Variants in SASH1 observed in about 807,000 individuals in gnomAD.
SASH1 encodes the protein SAM and SH3 domain containing 1, also known as SAM and SH3 domain-containing protein 1.
Under a neutral mutation model 125.2 loss-of-function variants are expected in SASH1, and 44 were observed. The ratio of observed to expected loss-of-function variants is 0.35; its 90% CI spans 0.28 to 0.45. The LOEUF (loss-of-function observed/expected upper bound fraction) is 0.45. SASH1 is among the 20% of genes least tolerant of loss of function. The pLI is 1.00. For synonymous variants in SASH1, 639 were observed against 649.1 expected (o/e 0.98, Z 0.24); for missense variants, 1,426 against 1,614.5 (o/e 0.88, Z 2.00).
At chr6:148,386,809 C>A (rs565510769) in intron 1 of SASH1, among the ~76,000 whole-genome samples, 1 of 152,126 alleles carries the variant, frequency 6.6e-6, no homozygotes, top group South Asian at 2.1e-4. Flanking sequence ...CAAACTCACA[C>A]ACAAAAGGGA....
chr6:148,438,988 G>A (rs568931906), intron 2 of SASH1, among the ~76,000 whole-genome samples: 1 of 152,126 alleles, frequency 6.6e-6, no homozygotes, highest in African/African-American at 2.4e-5. Context: ...ATACTTTATT[G>A]CTACTTTTAT....
chr6:148,308,498 C>G (rs952384915), intron 1 of SASH1, among the ~76,000 whole-genome samples: 2 of 151,092 alleles, frequency 1.3e-5, no homozygotes, highest in African/African-American at 4.9e-5. Flanking sequence ...CAGGTTCAAG[C>G]AATTCTCCTG....
chr6:148,505,053 G>T lies in SASH1; in HGVS notation c.730-9271G>T, dbSNP rs150217376. 2.2e-3 allele frequency among the ~76,000 whole-genome samples: 329 copies of T among 152,208 alleles called. 2 individuals carry two copies. The highest frequency in any genetic ancestry group is 7.6e-3 in the African/African-American group (316 of 41,518). On this transcript the variant is annotated intron_variant, in intron 8 of 19. Coordinates refer to ENST00000367467, the MANE Select transcript of SASH1 (RefSeq NM_015278.5). Reference sequence around the variant, plus strand: ...TCATGTGTATTTCACATGGAACGAGGGCTTCCTTACCTGCCAAGCTCTAGA... The same window carrying T: ...TCATGTGTATTTCACATGGAACGAGTGCTTCCTTACCTGCCAAGCTCTAGA...
chr6:148,269,287 T>C (rs1779007332), upstream of SASH1, among the ~76,000 whole-genome samples: 1 of 151,942 alleles, frequency 6.6e-6, no homozygotes, highest in Non-Finnish European at 1.5e-5. Context: ...TTGGTTTTTG[T>C]CTTTTTTAAT....
intron 1 of SASH1, among the ~76,000 whole-genome samples, chr6:148,369,073 G>A (rs1044569904): frequency 2.0e-5 from 3 of 152,172 alleles, no homozygotes; most frequent in Admixed American, 6.5e-5. Flanking sequence ...AAACAGACAC[G>A]TGCATTGGCC....
intron 1 of SASH1, among the ~76,000 whole-genome samples, chr6:148,336,067 T>C (rs1175000835): frequency 1.3e-5 from 2 of 152,064 alleles, no homozygotes; most frequent in Non-Finnish European, 2.9e-5. Flanking sequence ...TTTTCCCATT[T>C]CACAGATAAG....
chr6:148,414,826 G>A lies in SASH1; in HGVS notation c.285+24564G>A, dbSNP rs142892668. ...GTTTACAGATGCCTGCCACCATACC[G>A]GGCTAATTTTTTGTAGTTTCTTGGC... is the stretch of plus-strand genomic sequence containing the variant. On this transcript the variant is annotated intron_variant, in intron 2 of 19. Transcript: ENST00000367467. Among the ~76,000 whole-genome samples, 507 of 151,978 alleles carry A rather than the reference G, an allele frequency of 3.3e-3. 4 individuals are homozygous for A. Among genetic ancestry groups the A allele is most frequent in the African/African-American group, 0.011 (475 of 41,472 alleles).
At chr6:148,404,600 C>G (rs934065020) in intron 2 of SASH1, among the ~76,000 whole-genome samples, 2 of 134,944 alleles carry the variant, frequency 1.5e-5, no homozygotes, top group Non-Finnish European at 3.2e-5. Context: ...TGCCCCACCC[C>G]CAGCCCAGCA....
rs116191806 is a variant in SASH1, at chr6:148,285,769, A to G, written n.74+13392A>G. Among the ~76,000 whole-genome samples, 700 of 152,312 alleles carry G rather than the reference A, an allele frequency of 4.6e-3. 8 individuals are homozygous for G. Among genetic ancestry groups the G allele is most frequent in the African/African-American group, 0.016 (660 of 41,564 alleles). On this transcript the variant is annotated intron_variant and non_coding_transcript_variant, in intron 1 of 3. Coordinates refer to the SASH1 transcript ENST00000367469. ...TATTTCACTATGTTCTAACCAAATG[A>G]GAAAGGAAGCGCCAACAGTTTTCAA...
chr6:148,537,246 A>G (rs907131496), intron 16 of SASH1, among the ~76,000 whole-genome samples: 7 of 152,168 alleles, frequency 4.6e-5, no homozygotes, highest in African/African-American at 1.7e-4. Context: ...TTCCAGCACT[A>G]CTTGGAAGTC....
intron 1 of SASH1, among the ~76,000 whole-genome samples, chr6:148,281,229 A>G (rs1779333166): frequency 6.8e-6 from 1 of 146,850 alleles, no homozygotes; most frequent in South Asian, 2.2e-4. Flanking sequence ...AAGTGCTGGG[A>G]TTACAGGCGT....
chr6:148,525,496 A>G, intron 11 of SASH1, 131 bp downstream of exon 11: 3 of 758,268 alleles, frequency 4.0e-6, no homozygotes, highest in South Asian at 1.6e-5. Context: ...ACGTTTGGAA[A>G]AAAGCTCTAT....
chr6:148,425,587 A>G (rs2114959433), intron 2 of SASH1, among the ~76,000 whole-genome samples: 1 of 152,252 alleles, frequency 6.6e-6, no homozygotes, highest in African/African-American at 2.4e-5. Flanking sequence ...AAGTAAGCTC[A>G]ACATTCTTGA....
intron 8 of SASH1, chr6:148,508,530 C>A: frequency 9.7e-7 from 1 of 1,032,866 alleles, no homozygotes; most frequent in Non-Finnish European, 1.2e-6. Context: ...CCATGCACAA[C>A]ACTCCCTTTT....
chr6:148,485,837 G>A (rs979607916), intron 7 of SASH1, among the ~76,000 whole-genome samples: 1 of 152,162 alleles, frequency 6.6e-6, no homozygotes, highest in Admixed American at 6.5e-5. Context: ...CCATCACGTG[G>A]GCAGGCAGGT....
At chr6:148,276,648 A>G (rs946456687) in intron 1 of SASH1, among the ~76,000 whole-genome samples, 2 of 152,180 alleles carry the variant, frequency 1.3e-5, no homozygotes, top group East Asian at 1.9e-4. Flanking sequence ...AGACAGAGAG[A>G]AGAGAAACTG....
At chr6:148,323,498 T>C (rs962857421) in intron 1 of SASH1, among the ~76,000 whole-genome samples, 6 of 152,262 alleles carry the variant, frequency 3.9e-5, no homozygotes, top group Non-Finnish European at 1.5e-5. Flanking sequence ...ATCAAATACA[T>C]ATGAATCTCT....
intron 12 of SASH1, among the ~76,000 whole-genome samples, chr6:148,527,986 TTTGG>T (rs1781285630): frequency 1.2e-5 from 1 of 84,766 alleles, no homozygotes; most frequent in African/African-American, 5.9e-5. Flanking sequence ...GCTTTTTTTT[TTTGG>T]GGGGGGGGGT....
chr6:148,463,517 C>T (rs760230402), intron 4 of SASH1, among the ~76,000 whole-genome samples: 1 of 152,114 alleles, frequency 6.6e-6, no homozygotes, highest in African/African-American at 2.4e-5. Context: ...CCTTCTTTTC[C>T]TTCTCCCACT....
Sources: gnomAD v4.1 joint callset for allele counts (sites outside exome capture counted in the v4.1 genomes callset) on GRCh38, gnomAD v4.1.1 for gene constraint, MANE v1.5 for transcripts, NCBI Gene and HGNC (gene_info 2026-07-23, HGNC 2026-07-21) for gene names.